The following ACYP2 variants were observed in gnomAD, a reference collection of about 807,000 sequenced individuals.
The protein encoded by ACYP2 is acylphosphatase-2.
ACYP2 carries 12 observed loss-of-function variants against 11.2 expected under a neutral mutation model. The ratio of observed to expected loss-of-function variants is 1.08; its 90% CI spans 0.69 to 1.74. The LOEUF (loss-of-function observed/expected upper bound fraction) is 1.74. ACYP2 is among the 40% of genes most tolerant of loss of function. The pLI, the probability that ACYP2 is intolerant of heterozygous loss-of-function variation, is 0.00. For missense variants in ACYP2, 134 were observed against 101.9 expected (o/e 1.31, Z -1.35); for synonymous variants, 43 against 32.2 (o/e 1.33, Z -1.13).
At chr2:53,997,849 C>A (rs778772222) in intron 2 of ACYP2, among the ~76,000 whole-genome samples, 109 of 152,226 alleles carry the variant, frequency 7.2e-4, no homozygotes, top group Non-Finnish European at 1.1e-3. Flanking sequence ...TGAAAAAACA[C>A]TCCATGTGAC....
chr2:54,238,506 G>A (rs843660), intron 6 of ACYP2, among the ~76,000 whole-genome samples: 35,986 of 151,784 alleles, frequency 0.24, 4,571 homozygotes, highest in South Asian at 0.43. Context: ...AATTTGTATG[G>A]TCTATATTTT....
At chr2:54,134,071 A>G (rs1325645110) in intron 4 of ACYP2, among the ~76,000 whole-genome samples, 1 of 151,344 alleles carries the variant, frequency 6.6e-6, no homozygotes. Flanking sequence ...AAGTATTAAC[A>G]TAATGTAATC....
chr2:54,162,900 A>T (rs1486296503), intron 6 of ACYP2, among the ~76,000 whole-genome samples: 1 of 152,158 alleles, frequency 6.6e-6, no homozygotes, highest in Non-Finnish European at 1.5e-5. Flanking sequence ...AGGTGGGAGG[A>T]TTGCTTGAGC....
intron 4 of ACYP2, among the ~76,000 whole-genome samples, chr2:54,068,439 T>A (rs1468346231): frequency 6.6e-6 from 1 of 152,064 alleles, no homozygotes; most frequent in Non-Finnish European, 1.5e-5. Context: ...ATAAAGAAAA[T>A]CAGTCTGGCT....
At chr2:54,224,294 A>G (rs909518239) in intron 6 of ACYP2, among the ~76,000 whole-genome samples, 1 of 152,178 alleles carries the variant, frequency 6.6e-6, no homozygotes, top group African/African-American at 2.4e-5. Context: ...CCCAAGAAGA[A>G]TGAGGATGTG....
chr2:54,058,825 G>C (rs180825035), intron 4 of ACYP2, among the ~76,000 whole-genome samples: 1 of 151,982 alleles, frequency 6.6e-6, no homozygotes, highest in African/African-American at 2.4e-5. Context: ...TCTGTGTGAG[G>C]GAGAAGTTTT....
chr2:54,244,377 T>A (rs978808175), intron 6 of ACYP2, among the ~76,000 whole-genome samples: 5 of 152,070 alleles, frequency 3.3e-5, no homozygotes, highest in Non-Finnish European at 7.4e-5. Flanking sequence ...AATTTTTATA[T>A]TTTTAGTAGA....
At chr2:54,097,203 T>A (rs1219879944) in intron 4 of ACYP2, among the ~76,000 whole-genome samples, 1 of 152,250 alleles carries the variant, frequency 6.6e-6, no homozygotes, top group Non-Finnish European at 1.5e-5. Flanking sequence ...GCCCCACTCC[T>A]GGTCCTTCTT....
chr2:54,092,817 C>G (rs1489066109), intron 4 of ACYP2, among the ~76,000 whole-genome samples: 2 of 152,158 alleles, frequency 1.3e-5, no homozygotes, highest in African/African-American at 4.8e-5. Flanking sequence ...CAGATCCCCA[C>G]TTTAGGACCA....
chr2:54,100,595 C>T (rs1678840824), intron 4 of ACYP2, among the ~76,000 whole-genome samples: 1 of 151,958 alleles, frequency 6.6e-6, no homozygotes, highest in Admixed American at 6.6e-5. Context: ...AGGGACGAGT[C>T]ACCACACCCA....
intron 2 of ACYP2, among the ~76,000 whole-genome samples, chr2:54,030,229 G>A (rs919146334): frequency 5.9e-5 from 9 of 152,090 alleles, no homozygotes; most frequent in South Asian, 2.1e-4. Context: ...TCTCCTTTAC[G>A]GCTTGGCCTG....
chr2:54,257,693 G>GGAGA (rs1471379259), intron 6 of ACYP2, among the ~76,000 whole-genome samples: 1 of 152,154 alleles, frequency 6.6e-6, no homozygotes, highest in Non-Finnish European at 1.5e-5. Context: ...AGCAATATTT[G>GGAGA]GAGAGAAAAT....
chr2:54,210,652 G>A (rs1261293020), intron 6 of ACYP2, among the ~76,000 whole-genome samples: 1 of 151,944 alleles, frequency 6.6e-6, no homozygotes, highest in African/African-American at 2.4e-5. Flanking sequence ...CACAAGTATT[G>A]TAAGTACTTA....
intron 6 of ACYP2, among the ~76,000 whole-genome samples, chr2:54,140,549 C>T (rs1261486488): frequency 1.4e-5 from 2 of 147,542 alleles, no homozygotes; most frequent in South Asian, 2.2e-4. Flanking sequence ...CACACACACA[C>T]TTGCACACAC....
intron 6 of ACYP2, among the ~76,000 whole-genome samples, chr2:54,239,571 T>A (rs141764745): frequency 2.0e-5 from 3 of 152,320 alleles, no homozygotes; most frequent in African/African-American, 7.2e-5. Context: ...ATTGTTAGCA[T>A]CTGATGTGAG....
At chr2:54,268,649 A>AG (rs909028749) in intron 6 of ACYP2, among the ~76,000 whole-genome samples, 1 of 151,528 alleles carries the variant, frequency 6.6e-6, no homozygotes, top group Non-Finnish European at 1.5e-5. Flanking sequence ...CAAAAAAAAA[A>AG]AAAAAAAAAA....
chr2:54,065,230 T>G (rs555109540), intron 4 of ACYP2, among the ~76,000 whole-genome samples: 1 of 152,210 alleles, frequency 6.6e-6, no homozygotes, highest in Non-Finnish European at 1.5e-5. Flanking sequence ...AAATCGTTAT[T>G]ACTGGATGTG....
At position 54,304,675 on chromosome 2, in the gene ACYP2, TG is replaced by T. The variant is rs1202143690; in HGVS notation, c.405-12del. 1.2e-5 allele frequency: 19 copies of T among 1,584,274 alleles called. No individual in the cohort carries two copies. The highest frequency in any genetic ancestry group is 1.7e-5 in the Admixed American group (1 of 58,592). On this transcript the variant is annotated splice_polypyrimidine_tract_variant and intron_variant, in intron 6 of 6. Transcript: ENST00000607452. ...TGTATGCTAATTTTATTTATTTATC[TG>T]TTTTTTTATAGGAAGTCCTGGCTGA...
At chr2:54,126,697 C>T (rs910033732) in intron 4 of ACYP2, among the ~76,000 whole-genome samples, 15 of 151,884 alleles carry the variant, frequency 9.9e-5, no homozygotes, top group African/African-American at 3.4e-4. Context: ...CCTGTAATCC[C>T]AGAACTTTGG....
Sources: gnomAD v4.1 joint callset for allele counts (sites outside exome capture counted in the v4.1 genomes callset) on GRCh38, gnomAD v4.1.1 for gene constraint, MANE v1.5 for transcripts, NCBI Gene and HGNC (gene_info 2026-07-23, HGNC 2026-07-21) for gene names.